ELP1: variants seen among roughly 807,000 people sequenced by gnomAD.
The protein encoded by ELP1 is elongator complex protein 1.
A neutral mutation model predicts 183.2 loss-of-function variants in ELP1; 131 were observed. That is an observed-to-expected ratio of 0.72 (90% CI 0.62 to 0.83). ELP1 has a LOEUF of 0.83. Among genes scored for constraint, ELP1 ranks in the 40% least tolerant of loss-of-function variants. The probability of loss-of-function intolerance (pLI) is 0.00; values close to 1 mark genes in which losing one functional copy is unlikely to be tolerated. For missense variants in ELP1, 1,550 were observed against 1,594.9 expected, an observed-to-expected ratio of 0.97 and a Z score of 0.48; for synonymous variants, 555 against 569.0, an observed-to-expected ratio of 0.98 and a Z score of 0.35.
chr9:108,869,302 G>T, intron 36 of ELP1, 120 bp from the exon 37 acceptor site: 1 of 852,214 alleles, frequency 1.2e-6, no homozygotes, highest in Non-Finnish European at 2.0e-6. Flanking sequence ...GACCATCAGA[G>T]CCAGAGTTCA....
At chr9:108,898,345 GAA>G (rs140969516) in intron 22 of ELP1, among the ~76,000 whole-genome samples, 155 bp downstream of exon 22, 38 of 152,206 alleles carry the variant, frequency 2.5e-4, no homozygotes, top group African/African-American at 9.1e-4. Flanking sequence ...AAAAAGAACG[GAA>G]AAGAGCAAAA....
Position 108,881,757 on chromosome 9 carries a change from T to C in ELP1, c.3294A>G (p.Lys1098=). Residue 1098 remains lysine, a synonymous_variant, in exon 31 of 37, where the codon AAA becomes AAG. Transcript: ENST00000374647. ...TTTCTATAATATCCAGTCTGTTATA[T>C]TTGTATACCTAGAAGGAAAAACACA... ...AWEEALRLVY[K]YNRLDIIETN... is the part of the protein sequence containing the mutation. 6.4e-7 allele frequency: 1 copy of C among 1,552,768 alleles called. No homozygotes were observed. Among genetic ancestry groups the C allele is most frequent in the Non-Finnish European group, 8.9e-7 (1 of 1,124,446 alleles).
At position 108,897,032 on chromosome 9, in the gene ELP1, G is replaced by A; in HGVS notation, c.2508C>T (p.Cys836=). ...VMESINPHKY[C]LSILTSHVKK... The stretch of plus-strand genomic sequence containing the variant: ...TTACATGAGATGTAAGTATGGATAG[G>A]CAGTATCTGAGGTAATAAGTGAAGA... The change falls in exon 24 of 37, where the codon TGC becomes TGT. Residue 836 remains cysteine, a synonymous_variant. Coordinates refer to ENST00000374647, the MANE Select transcript of ELP1 (RefSeq NM_003640.5). 1.9e-6 allele frequency: 3 copies of A among 1,613,748 alleles called. No individual in the cohort carries two copies. In the South Asian group the frequency reaches 3.3e-5, roughly 18 times the overall value.
chr9:108,922,725 T>TA (rs1829689602), intron 6 of ELP1, 117 bp downstream of exon 6: 6 of 798,370 alleles, frequency 7.5e-6, no homozygotes, highest in Non-Finnish European at 1.3e-5. Flanking sequence ...GCAGTTTTAC[T>TA]AAAGCAGAAG....
intron 1 of ELP1, among the ~76,000 whole-genome samples, chr9:108,933,366 T>C (rs1375818935): frequency 1.3e-5 from 2 of 152,232 alleles, no homozygotes; most frequent in Admixed American, 1.3e-4. Context: ...CAACACCGAC[T>C]GAGCACTTGC....
intron 2 of ELP1, among the ~76,000 whole-genome samples, chr9:108,930,420 T>A (rs1391289923): frequency 6.6e-6 from 1 of 152,276 alleles, no homozygotes; most frequent in East Asian, 1.9e-4. Flanking sequence ...AACTTTCGTG[T>A]TCATTCCCAA....
chr9:108,910,600 C>T (rs565109434), intron 12 of ELP1, among the ~76,000 whole-genome samples: 3 of 152,264 alleles, frequency 2.0e-5, no homozygotes, highest in African/African-American at 7.2e-5. Flanking sequence ...AATTACAAAA[C>T]CTCTGACACT....
Position 108,919,351 on chromosome 9 carries a change from TAAA to T in ELP1, c.553-5_553-3del. ...ATCCCAGGGCAAAGCAGACTCATGC[TAAA>T]AAGGGGAACAAACACCAATATTACT... On this transcript the variant is annotated splice_region_variant and splice_polypyrimidine_tract_variant and intron_variant, in intron 6 of 36. Transcript: ENST00000374647. 6.2e-7 allele frequency: 1 copy of T among 1,606,854 alleles called. No individual in the cohort carries two copies. The highest frequency in any genetic ancestry group is 1.1e-5 in the South Asian group (1 of 90,886).
intron 35 of ELP1, chr9:108,875,823 T>G (rs41278351): frequency 0.092 from 28,781 of 311,934 alleles, 1,436 homozygotes; most frequent in East Asian, 0.13. Context: ...AGGACTGCTT[T>G]AGCCCAGGCA....
chr9:108,901,284 A>C, intron 18 of ELP1, 141 bp downstream of exon 18: 1 of 697,018 alleles, frequency 1.4e-6, no homozygotes, highest in Non-Finnish European at 2.6e-6. Context: ...ATTAGGGTCT[A>C]AGTAAAATAA....
intron 29 of ELP1, among the ~76,000 whole-genome samples, chr9:108,888,087 T>C (rs1226367975): frequency 6.6e-6 from 1 of 152,146 alleles, no homozygotes; most frequent in Non-Finnish European, 1.5e-5. Context: ...TATTCAGCAA[T>C]ACAAAGGAAT....
chr9:108,917,503 GA>G, intron 9 of ELP1, 43 bp downstream of exon 9: 1 of 1,592,814 alleles, frequency 6.3e-7, no homozygotes, highest in Non-Finnish European at 8.6e-7. Flanking sequence ...TATAGCTATG[GA>G]AAGTCCTCTA....
intron 35 of ELP1, among the ~76,000 whole-genome samples, chr9:108,876,679 C>A (rs1200949152): frequency 6.7e-6 from 1 of 150,160 alleles, no homozygotes; most frequent in Non-Finnish European, 1.5e-5. Flanking sequence ...AGGGGGAGTA[C>A]AAAGCTGGAG....
At chr9:108,872,275 A>C (rs1294880674) in intron 36 of ELP1, among the ~76,000 whole-genome samples, 2 of 152,220 alleles carry the variant, frequency 1.3e-5, no homozygotes, top group African/African-American at 4.8e-5. Context: ...ACTCACCACA[A>C]TAGCAACAGG....
rs575067512 is a variant in ELP1 at position 108,903,978 on chromosome 9, T to G, written c.1644-309A>C. ...CCCAATAAGGTAGTTGTTTACACTGTGAAGTCATCATTCCTCTTCTGGCCA... is the reference window on the plus strand; with the variant it reads ...CCCAATAAGGTAGTTGTTTACACTGGGAAGTCATCATTCCTCTTCTGGCCA... On this transcript the variant is annotated intron_variant, in intron 14 of 36. Coordinates refer to ENST00000374647, the MANE Select transcript of ELP1 (RefSeq NM_003640.5). Among the ~76,000 whole-genome samples, 14 of 152,312 alleles carry G rather than the reference T, an allele frequency of 9.2e-5. No homozygotes were observed. In the South Asian group the frequency reaches 2.9e-3, roughly 32 times the overall value.
Position 108,882,195 on chromosome 9 carries a change from G to A in ELP1, c.3223-8C>T. The stretch of plus-strand genomic sequence containing the variant: ...CACAGCTTCTTCATAATCCTGACAA[G>A]GGAACAGGAAGAAGACAACAAGTGA... On this transcript the variant is annotated splice_polypyrimidine_tract_variant and splice_region_variant and intron_variant, in intron 29 of 36. Coordinates refer to ENST00000374647, the MANE Select transcript of ELP1 (RefSeq NM_003640.5). The A allele has an allele frequency of 6.2e-7, 1 of 1,611,866 alleles. No homozygotes were observed. Among genetic ancestry groups the A allele is most frequent in the Non-Finnish European group, 8.5e-7 (1 of 1,179,296 alleles).
At chr9:108,918,458 C>A (rs949095664) in intron 8 of ELP1, among the ~76,000 whole-genome samples, 2 of 152,164 alleles carry the variant, frequency 1.3e-5, no homozygotes, top group Admixed American at 1.3e-4. Flanking sequence ...CCCACAGAGC[C>A]TTGCAAACTG....
intron 13 of ELP1, 36 bp from the exon 14 acceptor site, chr9:108,906,521 T>A (rs757829144): frequency 1.3e-6 from 2 of 1,576,062 alleles, no homozygotes; most frequent in African/African-American, 2.7e-5. Flanking sequence ...AAGACATGAA[T>A]AAAACTTAAA....
At chr9:108,875,570 A>T (rs537139371) in intron 35 of ELP1, 9 of 299,706 alleles carry the variant, frequency 3.0e-5, no homozygotes, top group African/African-American at 2.0e-4. Context: ...ATACTTCACC[A>T]ATCAAAACCA....
Sources: allele counts gnomAD v4.1 joint callset (sites outside exome capture counted in the v4.1 genomes callset), GRCh38; gene constraint gnomAD v4.1.1; transcripts MANE v1.5; gene names NCBI Gene and HGNC (gene_info 2026-07-23, HGNC 2026-07-21).